The following CHST12 variants were observed in gnomAD, a reference collection of about 807,000 sequenced individuals.
The protein encoded by CHST12 is carbohydrate (chondroitin 4) sulfotransferase 12.
CHST12 carries 23 observed loss-of-function variants against 27.9 expected under a neutral mutation model. The ratio of observed to expected loss-of-function variants is 0.82; its 90% CI spans 0.59 to 1.17. The LOEUF is 1.17. Ranked by LOEUF, CHST12 falls within the 50% of genes most tolerant of loss-of-function variation. The pLI is 0.00. For missense variants in CHST12, 682 were observed against 603.0 expected (o/e 1.13, Z -1.37); for synonymous variants, 322 against 273.0 (o/e 1.18, Z -1.77).
intron 1 of CHST12, among the ~76,000 whole-genome samples, chr7:2,408,351 A>T (rs1781575788): frequency 1.6e-5 from 2 of 122,902 alleles, no homozygotes; most frequent in Non-Finnish European, 3.2e-5. Flanking sequence ...AACAAGGGTG[A>T]GACTCCGTCT....
chr7:2,424,987 C>T (rs1265017418), intron 1 of CHST12, among the ~76,000 whole-genome samples: 1 of 152,098 alleles, frequency 6.6e-6, no homozygotes. Context: ...GGGCAGATCA[C>T]TTGAGGTCAG....
intron 1 of CHST12, among the ~76,000 whole-genome samples, chr7:2,422,947 G>A (rs1782016578): frequency 6.6e-6 from 1 of 151,524 alleles, no homozygotes; most frequent in African/African-American, 2.4e-5. Context: ...CGAGAGGGGT[G>A]GTCCTGAAAA....
chr7:2,433,792 C>A lies in CHST12; in HGVS notation c.1153C>A (p.Pro385Thr). The stretch of plus-strand genomic sequence containing the variant: ...GGAGGAGGACTGGTTCGCCAAGATC[C>A]CCCTGGCCTGGAGGCAGCAGCTGTA... ...SWEEDWFAKI[P>T]LAWRQQLYKL... is the part of the protein sequence containing the mutation. Residue 385 changes from proline (P) to threonine (T), a missense_variant, in exon 2 of 2, where the codon CCC becomes ACC. Coordinates refer to ENST00000618655, the MANE Select transcript of CHST12 (RefSeq NM_018641.5). This position sits in a 1 kb window ranked among gnomAD's most constrained non-coding sequence, Gnocchi z 6.1. 1 of 1,614,128 alleles carries A rather than the reference C, an allele frequency of 6.2e-7. No individual in the cohort carries two copies. The highest frequency in any genetic ancestry group is 1.1e-5 in the South Asian group (1 of 91,080).
intron 1 of CHST12, among the ~76,000 whole-genome samples, chr7:2,412,691 C>T (rs1781696295): frequency 6.6e-6 from 1 of 152,156 alleles, no homozygotes; most frequent in African/African-American, 2.4e-5. Context: ...GGAAGGGGGG[C>T]TCTCCAACAA....
intron 1 of CHST12, among the ~76,000 whole-genome samples, chr7:2,404,869 G>T (rs920407281): frequency 6.6e-6 from 1 of 152,212 alleles, no homozygotes; most frequent in African/African-American, 2.4e-5. Context: ...ACCTCCAATC[G>T]AGTGCAAGAT....
At position 2,412,301 on chromosome 7, in the gene CHST12, C is replaced by T. The variant is rs192238487; in HGVS notation, c.-78+8628C>T. On this transcript the variant is annotated intron_variant, in intron 1 of 1. Transcript: ENST00000618655. Reference sequence around the variant, plus strand: ...TCACGATGGAGGTTTTAATGTAGTACCACTGTGTGTAAGTTCCAGGCAGCC... The same window carrying T: ...TCACGATGGAGGTTTTAATGTAGTATCACTGTGTGTAAGTTCCAGGCAGCC... Among the ~76,000 whole-genome samples the T allele has an allele frequency of 1.2e-4, 18 of 152,262 alleles. No individual in the cohort carries two copies. In the East Asian group the frequency reaches 3.3e-3, roughly 28 times the overall value.
At chr7:2,428,922 C>T (rs1489295416) in intron 1 of CHST12, among the ~76,000 whole-genome samples, 3 of 152,132 alleles carry the variant, frequency 2.0e-5, no homozygotes, top group East Asian at 1.9e-4. Flanking sequence ...CTAGAAGAGC[C>T]GTGGCAAGAT....
intron 1 of CHST12, among the ~76,000 whole-genome samples, chr7:2,413,610 T>C (rs762819975): frequency 6.6e-6 from 1 of 152,106 alleles, no homozygotes; most frequent in Non-Finnish European, 1.5e-5. Context: ...ATGCAGTCTT[T>C]TACGTCTGGC....
intron 1 of CHST12, among the ~76,000 whole-genome samples, chr7:2,417,444 C>T (rs1055195229): frequency 7.0e-6 from 1 of 143,532 alleles, no homozygotes; most frequent in Non-Finnish European, 1.5e-5. Flanking sequence ...GGCTGGAGTA[C>T]AGTGGTGTGA....
At chr7:2,416,278 C>T (rs1162015873) in intron 1 of CHST12, among the ~76,000 whole-genome samples, 1 of 152,236 alleles carries the variant, frequency 6.6e-6, no homozygotes, top group African/African-American at 2.4e-5. Context: ...ACTTCTCTTG[C>T]TGTTTCCACC....
intron 1 of CHST12, among the ~76,000 whole-genome samples, chr7:2,431,437 G>A (rs1782266854): frequency 6.6e-6 from 1 of 152,244 alleles, no homozygotes; most frequent in Admixed American, 6.5e-5. Context: ...CCAGATAGGG[G>A]TGGAGTAGAG....
rs966098411 is a variant in CHST12, at chr7:2,437,757, C to T, written c.*3873C>T. The T allele has an allele frequency of 1.3e-5, 2 of 151,020 alleles. No homozygotes were observed. The highest frequency in any genetic ancestry group is 3.0e-5 in the Non-Finnish European group (2 of 67,750). 9.4% of individuals were successfully genotyped at this position (151,020 alleles called of 1,614,324 possible). A position where few individuals can be genotyped will look rare whatever the true frequency, so the allele number is the denominator to read the frequency against. On this transcript the variant is annotated 3_prime_UTR_variant, in exon 2 of 2. Transcript: ENST00000618655. Reference sequence around the variant, plus strand: ...GCACACACACACACACACACACACTCTCTCTCACACACACATCGGGATATT... The same window carrying T: ...GCACACACACACACACACACACACTTTCTCTCACACACACATCGGGATATT...
intron 1 of CHST12, among the ~76,000 whole-genome samples, chr7:2,419,816 A>G (rs1781917610): frequency 6.6e-6 from 1 of 151,930 alleles, no homozygotes; most frequent in South Asian, 2.1e-4. Context: ...CAGCCCCAGA[A>G]CTATGTTCAT....
rs754192915 is a variant in CHST12 at position 2,433,301 on chromosome 7, G to A, written c.662G>A (p.Arg221His). 21 of 1,612,238 alleles carry A rather than the reference G, an allele frequency of 1.3e-5. No individual in the cohort carries two copies. The African/African-American group carries it at 2.5e-4, about 19-fold the overall frequency. Reference protein sequence around the residue: ...SAHLTFNKFWRRYGKLSRHLM... With the variant: ...SAHLTFNKFWHRYGKLSRHLM... The stretch of plus-strand genomic sequence containing the variant: ...CACCTGACCTTCAACAAGTTCTGGC[G>A]CCGCTACGGGAAGCTCTCCCGCCAC... The change falls in exon 2 of 2, where the codon CGC (arginine) becomes CAC (histidine). Residue 221 changes from arginine to histidine, a missense_variant. By Grantham distance (29) the Arg-to-His change is conservative. Coordinates refer to ENST00000618655, the MANE Select transcript of CHST12 (RefSeq NM_018641.5). This position sits in a 1 kb window ranked among gnomAD's most constrained non-coding sequence, Gnocchi z 6.1.
chr7:2,425,297 C>A (rs1036895700), intron 1 of CHST12, among the ~76,000 whole-genome samples: 3 of 151,588 alleles, frequency 2.0e-5, no homozygotes, highest in Admixed American at 1.3e-4. Context: ...TCGGTCAAGA[C>A]AGGTGTGGAC....
intron 1 of CHST12, among the ~76,000 whole-genome samples, chr7:2,408,362 CAAAAAAAAAAAAAAAA>C (rs56330622): frequency 1.7e-5 from 2 of 116,686 alleles, no homozygotes; most frequent in African/African-American, 3.5e-5. Flanking sequence ...GACTCCGTCT[CAAAAAAAAAAAAAAAA>C]AAAAAAAAAA....
chr7:2,417,693 C>T (rs1157267801), intron 1 of CHST12, among the ~76,000 whole-genome samples: 1 of 152,090 alleles, frequency 6.6e-6, no homozygotes, highest in Non-Finnish European at 1.5e-5. Flanking sequence ...CCTGGCCTTA[C>T]TCCACTTTTC....
chr7:2,410,764 G>A (rs985817391), intron 1 of CHST12, among the ~76,000 whole-genome samples: 2 of 152,138 alleles, frequency 1.3e-5, no homozygotes, highest in African/African-American at 4.8e-5. Flanking sequence ...CAAGGAGACT[G>A]TTGAGGCTGG....
rs774360451 is a variant in CHST12 at position 2,433,745 on chromosome 7, G to A, written c.1106G>A (p.Arg369Gln). Reference protein sequence around the residue: ...DRQLRFPPSYRNRTASSWEED... With the variant: ...DRQLRFPPSYQNRTASSWEED... Reference sequence around the variant, plus strand: ...CAGCTCCGCTTCCCCCCGAGCTACCGGAACAGGACCGCCAGCAGCTGGGAG... The same window carrying A: ...CAGCTCCGCTTCCCCCCGAGCTACCAGAACAGGACCGCCAGCAGCTGGGAG... The change falls in exon 2 of 2, where the codon CGG (arginine) becomes CAG (glutamine). Residue 369 changes from arginine (R) to glutamine (Q), a missense_variant. Arg to Gln is a conservative substitution (Grantham distance 43, BLOSUM62 1). Coordinates refer to ENST00000618655, the MANE Select transcript of CHST12 (RefSeq NM_018641.5). This position sits in a 1 kb window ranked among gnomAD's most constrained non-coding sequence, Gnocchi z 6.1. 1.1e-5 allele frequency: 18 copies of A among 1,613,702 alleles called. No individual in the cohort carries two copies. Among genetic ancestry groups the A allele is most frequent in the Admixed American group, 8.3e-5 (5 of 59,988 alleles).
Sources: allele counts gnomAD v4.1 joint callset (sites outside exome capture counted in the v4.1 genomes callset), GRCh38; gene constraint gnomAD v4.1.1; non-coding constraint Gnocchi (gnomAD v3.1); transcripts MANE v1.5; gene names NCBI Gene and HGNC (gene_info 2026-07-23, HGNC 2026-07-21).